NEDD4L: variants seen among roughly 807,000 people sequenced by gnomAD.
The protein encoded by NEDD4L is E3 ubiquitin-protein ligase NEDD4-like.
Under a neutral mutation model 148.9 loss-of-function variants are expected in NEDD4L, and 54 were observed. The observed-to-expected ratio is 0.36, with a 90% CI of 0.29 to 0.45. The LOEUF (loss-of-function observed/expected upper bound fraction) is 0.45. NEDD4L is among the 20% of genes least tolerant of loss of function. The pLI is 1.00. For missense variants in NEDD4L, 856 were observed against 1,233.8 expected (o/e 0.69, Z 4.59); for synonymous variants, 433 against 440.7 (o/e 0.98, Z 0.22).
At chr18:58,291,088 A>C (rs889045376) in intron 5 of NEDD4L, among the ~76,000 whole-genome samples, 1 of 151,118 alleles carries the variant, frequency 6.6e-6, no homozygotes, top group Non-Finnish European at 1.5e-5. Flanking sequence ...CGACCGGCCC[A>C]CATGGTCACA....
chr18:58,253,652 T>C (rs1287352608), intron 5 of NEDD4L, among the ~76,000 whole-genome samples: 1 of 152,178 alleles, frequency 6.6e-6, no homozygotes, highest in Non-Finnish European at 1.5e-5. Flanking sequence ...TTATTGAGTA[T>C]AATATCTCTT....
intron 5 of NEDD4L, among the ~76,000 whole-genome samples, chr18:58,291,122 A>C (rs28531887): frequency 0.17 from 25,336 of 148,900 alleles, 2,434 homozygotes; most frequent in East Asian, 0.27. Flanking sequence ...CGACCGACCC[A>C]CGTGGTCACA....
intron 23 of NEDD4L, chr18:58,371,670 C>T (rs890059543): frequency 6.6e-5 from 10 of 152,650 alleles, no homozygotes; most frequent in South Asian, 2.1e-4. Flanking sequence ...TTCTGTTGCT[C>T]CTCATTGTAT....
chr18:58,047,478 G>A (rs2081640979), intron 1 of NEDD4L: 8 of 985,422 alleles, frequency 8.1e-6, no homozygotes, highest in Middle Eastern at 5.2e-4. Flanking sequence ...TGTTCCTTGC[G>A]TCATCAGCAG....
At chr18:58,289,682 C>G (rs1371838267) in intron 5 of NEDD4L, among the ~76,000 whole-genome samples, 1 of 152,150 alleles carries the variant, frequency 6.6e-6, no homozygotes, top group Admixed American at 6.5e-5. Flanking sequence ...GGGAAGGAAG[C>G]CTCCACTTGA....
chr18:58,342,883 TA>T lies in NEDD4L; in HGVS notation c.1378-21del. 2.5e-6 allele frequency: 4 copies of T among 1,573,472 alleles called. No individual in the cohort carries two copies. The Middle Eastern group carries it at 6.8e-4, about 267-fold the overall frequency. On this transcript the variant is annotated intron_variant, in intron 15 of 30. Coordinates refer to ENST00000400345, the MANE Select transcript of NEDD4L (RefSeq NM_001144967.3). ...TGGAATCGCACATGCTAAAGAGTTC[TA>T]ATCCTCATTGTTATTCTTTAGGGTG...
intron 1 of NEDD4L, among the ~76,000 whole-genome samples, chr18:58,078,179 C>T (rs1256784244): frequency 7.9e-5 from 12 of 152,048 alleles, no homozygotes; most frequent in Admixed American, 5.2e-4. Context: ...ACCTGGTTTC[C>T]GTCAAATACA....
At chr18:58,349,783 A>G (rs544847160) in intron 17 of NEDD4L, among the ~76,000 whole-genome samples, 169 bp downstream of exon 17, 1 of 152,356 alleles carries the variant, frequency 6.6e-6, no homozygotes, top group South Asian at 2.1e-4. Flanking sequence ...GTCATACATT[A>G]TAGTTCATGT....
chr18:58,185,928 G>A (rs1221759935), intron 2 of NEDD4L, among the ~76,000 whole-genome samples: 2 of 152,072 alleles, frequency 1.3e-5, no homozygotes, highest in Admixed American at 1.3e-4. Context: ...ATGAATGCCT[G>A]TACTCTTAGA....
At chr18:58,370,096 T>TC (rs1460082974) in intron 22 of NEDD4L, among the ~76,000 whole-genome samples, 1 of 152,036 alleles carries the variant, frequency 6.6e-6, no homozygotes. Context: ...TGCCCTTTTC[T>TC]CCCCCAATTC....
intron 1 of NEDD4L, among the ~76,000 whole-genome samples, chr18:58,119,690 T>C (rs900869096): frequency 2.6e-5 from 4 of 152,250 alleles, no homozygotes; most frequent in African/African-American, 9.6e-5. Flanking sequence ...CCTGTGTAAC[T>C]GTCCAGTTCG....
intron 1 of NEDD4L, among the ~76,000 whole-genome samples, chr18:58,099,876 A>G (rs1277076360): frequency 1.3e-5 from 2 of 152,182 alleles, no homozygotes; most frequent in Non-Finnish European, 2.9e-5. Context: ...ACCAGCCCCA[A>G]ATAAGAGAGT....
intron 1 of NEDD4L, among the ~76,000 whole-genome samples, chr18:58,119,964 A>G (rs1263940248): frequency 2.0e-5 from 3 of 152,154 alleles, no homozygotes; most frequent in Non-Finnish European, 4.4e-5. Flanking sequence ...TCTGCAGCAG[A>G]TTGGCACACA....
At chr18:58,236,787 G>T (rs1285258460) in intron 2 of NEDD4L, among the ~76,000 whole-genome samples, 1 of 152,188 alleles carries the variant, frequency 6.6e-6, no homozygotes, top group East Asian at 1.9e-4. Flanking sequence ...ACTTTGGGAG[G>T]CCAAGGTGGT....
intron 13 of NEDD4L, among the ~76,000 whole-genome samples, chr18:58,340,051 G>A (rs1173101309): frequency 6.6e-6 from 1 of 152,166 alleles, no homozygotes; most frequent in Non-Finnish European, 1.5e-5. Flanking sequence ...TCCCCTAGGA[G>A]CCGTGGTATA....
rs934949329 is a variant in NEDD4L at position 58,397,949 on chromosome 18, C to T, written c.*1680C>T. 1.3e-5 allele frequency: 2 copies of T among 152,140 alleles called. No individual in the cohort carries two copies. The highest frequency in any genetic ancestry group is 2.1e-4 in the South Asian group (1 of 4,808). The allele number at this position is 152,140 out of a possible 1,614,324, so 9.4% of individuals were successfully genotyped here. Reference sequence around the variant, plus strand: ...TGTTTGTTACATAAAAAGGACCTTTCGGTGTAAGAAATTGCCGTTTTTACC... The same window carrying T: ...TGTTTGTTACATAAAAAGGACCTTTTGGTGTAAGAAATTGCCGTTTTTACC... On this transcript the variant is annotated 3_prime_UTR_variant, in exon 31 of 31. Coordinates refer to ENST00000400345, the MANE Select transcript of NEDD4L (RefSeq NM_001144967.3).
chr18:58,151,625 ATG>A lies in NEDD4L; in HGVS notation c.49-14131_49-14130del, dbSNP rs113714456. Among the ~76,000 whole-genome samples, 594 of 140,746 alleles carry A rather than the reference ATG, an allele frequency of 4.2e-3. 2 individuals carry two copies. Among genetic ancestry groups the A allele is most frequent in the South Asian group, 6.9e-3 (29 of 4,224 alleles). The allele number at this position is 140,746 out of a possible 152,430, so 92.3% of individuals were successfully genotyped here. On this transcript the variant is annotated intron_variant, in intron 1 of 30. Transcript: ENST00000400345. ...GAAGATGAGGTAGCTGTGCCTGGAT[ATG>A]TGTGTGTGTGTGTGTGTGTGTGTGT...
chr18:58,392,077 C>T (rs192166112), intron 30 of NEDD4L, among the ~76,000 whole-genome samples: 43 of 152,286 alleles, frequency 2.8e-4, no homozygotes, highest in Admixed American at 2.5e-3. Flanking sequence ...AAGCGTGGAG[C>T]GTGGCTGCCC....
At position 58,256,211 on chromosome 18, in the gene NEDD4L, C is replaced by G; in HGVS notation, c.297+4157C>G. ...CGCGGAGGAGGCTGCCCCGGGCCTG[C>G]GCATCCAGCACCGCGCCTCCAGCGC... On this transcript the variant is annotated intron_variant, in intron 5 of 30. Transcript: ENST00000400345. The surrounding 1 kb of genome is among the most constrained non-coding windows in gnomAD (Gnocchi z 5.2). 1 of 1,221,984 alleles carries G rather than the reference C, an allele frequency of 8.2e-7. No individual in the cohort carries two copies. Among genetic ancestry groups the G allele is most frequent in the East Asian group, 3.3e-5 (1 of 30,606 alleles). 75.7% of individuals were successfully genotyped at this position (1,221,984 alleles called of 1,614,324 possible). A position where few individuals can be genotyped will look rare whatever the true frequency, so the allele number is the denominator to read the frequency against.
Sources: gnomAD v4.1 joint callset for allele counts (sites outside exome capture counted in the v4.1 genomes callset) on GRCh38, gnomAD v4.1.1 for gene constraint, Gnocchi (gnomAD v3.1) non-coding constraint, MANE v1.5 for transcripts, NCBI Gene and HGNC (gene_info 2026-07-23, HGNC 2026-07-21) for gene names.